DCAF5: variants seen among roughly 807,000 people sequenced by gnomAD.
DCAF5 encodes the protein DDB1- and CUL4-associated factor 5.
Under a neutral mutation model 80.7 loss-of-function variants are expected in DCAF5, and 9 were observed. The ratio of observed to expected loss-of-function variants is 0.11; its 90% CI spans 0.07 to 0.19. DCAF5 has a LOEUF of 0.19. DCAF5 is among the 10% of genes least tolerant of loss of function. The pLI, the probability that DCAF5 is intolerant of heterozygous loss-of-function variation, is 1.00. For synonymous variants in DCAF5, 433 were observed against 461.9 expected, an observed-to-expected ratio of 0.94 and a Z score of 0.80; for missense variants, 842 against 1,205.7, an observed-to-expected ratio of 0.70 and a Z score of 4.47.
At chr14:69,087,378 T>C (rs2039373002) in intron 6 of DCAF5, among the ~76,000 whole-genome samples, 1 of 152,158 alleles carries the variant, frequency 6.6e-6, no homozygotes, top group Admixed American at 6.5e-5. Flanking sequence ...AGAAGAACCT[T>C]TGGGCTCAGG....
chr14:69,136,087 C>T (rs990159653), intron 1 of DCAF5, among the ~76,000 whole-genome samples: 4 of 150,052 alleles, frequency 2.7e-5, no homozygotes, highest in Non-Finnish European at 4.4e-5. Flanking sequence ...CATGCTCTTC[C>T]CTTTTATAAA....
chr14:69,146,415 G>A (rs2041538900), intron 1 of DCAF5, among the ~76,000 whole-genome samples: 1 of 152,222 alleles, frequency 6.6e-6, no homozygotes, highest in East Asian at 1.9e-4. Context: ...CAAATAATGT[G>A]TATCTATAAA....
At chr14:69,066,529 G>A (rs967957722) in intron 7 of DCAF5, among the ~76,000 whole-genome samples, 1 of 152,142 alleles carries the variant, frequency 6.6e-6, no homozygotes, top group South Asian at 2.1e-4. Flanking sequence ...TAGGGGGGTA[G>A]GGAAGACTAT....
intron 6 of DCAF5, chr14:69,091,176 G>GAGTC (rs1566745603): frequency 1.4e-6 from 1 of 718,460 alleles, no homozygotes; most frequent in South Asian, 1.5e-5. Context: ...AAAAGAAAAA[G>GAGTC]AGTCAGCATC....
At chr14:69,065,124 G>A (rs1048455995) in intron 7 of DCAF5, among the ~76,000 whole-genome samples, 2 of 131,560 alleles carry the variant, frequency 1.5e-5, no homozygotes, top group Non-Finnish European at 3.1e-5. Flanking sequence ...TTGAGACGGA[G>A]TCTTGCTCTG....
intron 7 of DCAF5, among the ~76,000 whole-genome samples, chr14:69,064,125 G>C (rs981908980): frequency 1.4e-4 from 21 of 152,162 alleles, no homozygotes; most frequent in African/African-American, 4.8e-4. Context: ...AGGGAAGCTG[G>C]GCCAGTCAAA....
At chr14:69,134,622 C>T (rs1453170717) in intron 1 of DCAF5, among the ~76,000 whole-genome samples, 11 of 152,204 alleles carry the variant, frequency 7.2e-5, no homozygotes, top group Admixed American at 7.2e-4. Flanking sequence ...AAGAAAGTTA[C>T]AACCTAATGA....
intron 6 of DCAF5, chr14:69,083,541 G>A: frequency 8.2e-6 from 3 of 368,080 alleles, no homozygotes; most frequent in South Asian, 3.0e-5. Flanking sequence ...AAGAAACAAC[G>A]GGAGGTGGAA....
chr14:69,096,423 T>C (rs2039718228), intron 5 of DCAF5, among the ~76,000 whole-genome samples: 1 of 152,222 alleles, frequency 6.6e-6, no homozygotes, highest in Non-Finnish European at 1.5e-5. Context: ...AGTATACTTT[T>C]TGAATCTCCA....
intron 5 of DCAF5, among the ~76,000 whole-genome samples, chr14:69,095,359 T>C (rs2039669010): frequency 6.6e-6 from 1 of 152,152 alleles, no homozygotes; most frequent in Non-Finnish European, 1.5e-5. Context: ...GAAAAATTAA[T>C]GAAATACATC....
At position 69,153,060 on chromosome 14, in the gene DCAF5, T is replaced by TC. The variant is rs1440691460; in HGVS notation, c.-83dup. On this transcript the variant is annotated 5_prime_UTR_variant, in exon 1 of 9. Coordinates refer to ENST00000341516, the MANE Select transcript of DCAF5 (RefSeq NM_003861.3). ...GGCCGCTGCTCCCCCCACCCGGCCC[T>TC]CCCCCCGCGCTGCGATCCGGATGGT... is the stretch of plus-strand genomic sequence containing the variant. 1.1e-5 allele frequency: 11 copies of TC among 1,030,622 alleles called. No individual in the cohort carries two copies. The highest frequency in any genetic ancestry group is 3.3e-5 in the East Asian group (1 of 30,498). 63.8% of individuals were successfully genotyped at this position (1,030,622 alleles called of 1,614,324 possible).
chr14:69,116,298 G>C, intron 5 of DCAF5, 68 bp downstream of exon 5: 1 of 1,555,772 alleles, frequency 6.4e-7, no homozygotes, highest in Non-Finnish European at 8.7e-7. Context: ...AACACTTACT[G>C]GCTGGTCACA....
chr14:69,152,962 C>G lies in DCAF5; in HGVS notation c.17G>C (p.Gly6Ala). Residue 6 changes from glycine (G) to alanine (A), a missense_variant, in exon 1 of 9, where the codon GGC (glycine) becomes GCC (alanine). Physicochemically the swap from Gly to Ala is moderately conservative, Grantham distance 60. This residue lies in a region of DCAF5 where 28 missense variants were observed against 28.7 expected (regional missense o/e 0.98). Transcript: ENST00000341516. The surrounding 1 kb of genome is among the most constrained non-coding windows in gnomAD (Gnocchi z 4.1). Reference sequence around the variant, plus strand: ...CACTGACCTCATGCTGCCCCCCAGGCCAGCTCTCCTCTTCATGCTGGAACC... The same window carrying G: ...CACTGACCTCATGCTGCCCCCCAGGGCAGCTCTCCTCTTCATGCTGGAACC... MKRRA[G>A]LGGSMRSVVG... The G allele has an allele frequency of 6.2e-7, 1 of 1,607,582 alleles. No homozygotes were observed.
At chr14:69,094,108 T>C (rs2039620134) in intron 5 of DCAF5, among the ~76,000 whole-genome samples, 1 of 152,164 alleles carries the variant, frequency 6.6e-6, no homozygotes, top group African/African-American at 2.4e-5. Flanking sequence ...TAGGACTGAC[T>C]AGGAGTTGGG....
At chr14:69,135,081 A>G (rs1382817884) in intron 1 of DCAF5, among the ~76,000 whole-genome samples, 1 of 152,244 alleles carries the variant, frequency 6.6e-6, no homozygotes, top group African/African-American at 2.4e-5. Flanking sequence ...CGATGTCATA[A>G]TATCATGCTT....
intron 6 of DCAF5, among the ~76,000 whole-genome samples, chr14:69,078,861 T>G (rs1303560296): frequency 1.3e-5 from 2 of 152,150 alleles, no homozygotes; most frequent in Non-Finnish European, 2.9e-5. Context: ...TGTACATATA[T>G]ATTTAATGTA....
intron 6 of DCAF5, among the ~76,000 whole-genome samples, chr14:69,086,523 A>G (rs942560083): frequency 6.6e-6 from 1 of 152,034 alleles, no homozygotes; most frequent in Non-Finnish European, 1.5e-5. Context: ...CAACGGTTGA[A>G]TTTCCCCCAT....
At chr14:69,137,461 C>T (rs2041229672) in intron 1 of DCAF5, among the ~76,000 whole-genome samples, 1 of 152,088 alleles carries the variant, frequency 6.6e-6, no homozygotes, top group Non-Finnish European at 1.5e-5. Context: ...TAGTTTTGTA[C>T]ATAAGAACAC....
intron 6 of DCAF5, chr14:69,085,496 A>T (rs1333396895): frequency 5.7e-6 from 2 of 351,102 alleles, no homozygotes; most frequent in Admixed American, 9.3e-5. Context: ...TTATCTAACA[A>T]GAGTATAAAT....
Sources: gnomAD v4.1 joint callset for allele counts (sites outside exome capture counted in the v4.1 genomes callset) on GRCh38, gnomAD v4.1.1 for gene constraint, gnomAD v4.1.1 regional missense constraint, Gnocchi (gnomAD v3.1) non-coding constraint, MANE v1.5 for transcripts, NCBI Gene and HGNC (gene_info 2026-07-23, HGNC 2026-07-21) for gene names.